Variants in MAP2K6 observed in about 807,000 individuals in gnomAD.
The protein encoded by MAP2K6 is dual specificity mitogen-activated protein kinase kinase 6.
MAP2K6 carries 16 observed loss-of-function variants against 53.7 expected under a neutral mutation model. The observed-to-expected ratio is 0.30, with a 90% CI of 0.20 to 0.45. MAP2K6 has a LOEUF of 0.45. Ranked by LOEUF, MAP2K6 falls within the 20% of genes least tolerant of loss-of-function variation. MAP2K6 has a pLI of 1.00. For synonymous variants in MAP2K6, 132 were observed against 143.1 expected (o/e 0.92, Z 0.55); for missense variants, 204 against 411.9 (o/e 0.50, Z 4.37).
At chr17:69,463,308 A>G (rs900211152) in intron 1 of MAP2K6, among the ~76,000 whole-genome samples, 11 of 145,594 alleles carry the variant, frequency 7.6e-5, no homozygotes, top group Non-Finnish European at 5.9e-5. Flanking sequence ...ACTTATATGT[A>G]TATATATATC....
chr17:69,458,671 C>G (rs1249764704), intron 1 of MAP2K6, among the ~76,000 whole-genome samples: 1 of 152,218 alleles, frequency 6.6e-6, no homozygotes, highest in African/African-American at 2.4e-5. Context: ...ACCTGGCTTT[C>G]ATTCCCATTA....
Position 69,544,726 on chromosome 17 carries a change from A to G in MAP2K6, c.*2973A>G, listed in dbSNP as rs571626995. 2 of 152,180 alleles carry G rather than the reference A, an allele frequency of 1.3e-5. No homozygotes were observed. Among genetic ancestry groups the G allele is most frequent in the Non-Finnish European group, 2.9e-5 (2 of 68,028 alleles). 9.4% of individuals were successfully genotyped at this position (152,180 alleles called of 1,614,324 possible). Reference sequence around the variant, plus strand: ...ATATTATTGGTTTAAGAGGTGTGCCAAAAAAAGTAATATGCATAACTTTTA... The same window carrying G: ...ATATTATTGGTTTAAGAGGTGTGCCGAAAAAAGTAATATGCATAACTTTTA... On this transcript the variant is annotated 3_prime_UTR_variant, in exon 12 of 12. Coordinates refer to ENST00000590474, the MANE Select transcript of MAP2K6 (RefSeq NM_002758.4).
intron 11 of MAP2K6, 42 bp from the exon 12 acceptor site, chr17:69,541,630 TTGTC>T (rs1182260854): frequency 2.2e-6 from 3 of 1,380,218 alleles, no homozygotes; most frequent in Non-Finnish European, 2.1e-6. Flanking sequence ...CATATATTGA[TTGTC>T]AGTAAGACAT....
At chr17:69,454,559 ATT>A (rs879315471) in intron 1 of MAP2K6, among the ~76,000 whole-genome samples, 1 of 140,468 alleles carries the variant, frequency 7.1e-6, no homozygotes. Flanking sequence ...TAATTTTTGT[ATT>A]TTTTTTTTTT....
chr17:69,490,360 C>G (rs994822022), intron 1 of MAP2K6, among the ~76,000 whole-genome samples: 1 of 152,182 alleles, frequency 6.6e-6, no homozygotes, highest in African/African-American at 2.4e-5. Flanking sequence ...AATGGAGACT[C>G]TGTAGATGTT....
intron 1 of MAP2K6, among the ~76,000 whole-genome samples, chr17:69,457,774 T>C (rs1468954851): frequency 6.6e-6 from 1 of 152,180 alleles, no homozygotes; most frequent in East Asian, 1.9e-4. Context: ...TACTCCAGCC[T>C]GGGTAACAGA....
At chr17:69,441,334 A>C (rs563591263) in intron 1 of MAP2K6, among the ~76,000 whole-genome samples, 2 of 150,866 alleles carry the variant, frequency 1.3e-5, no homozygotes, top group African/African-American at 4.9e-5. Context: ...TTTTCTCTCT[A>C]TTTTTCAAAT....
intron 10 of MAP2K6, among the ~76,000 whole-genome samples, chr17:69,535,476 A>G (rs1483567619): frequency 6.6e-6 from 1 of 152,082 alleles, no homozygotes; most frequent in Non-Finnish European, 1.5e-5. Context: ...CTGTAATCCC[A>G]ACTACTCAGG....
intron 1 of MAP2K6, among the ~76,000 whole-genome samples, chr17:69,475,322 A>C (rs925628190): frequency 2.0e-5 from 3 of 146,404 alleles, no homozygotes; most frequent in Admixed American, 1.4e-4. Context: ...GCGCCCGCCA[A>C]CACGCCCGGC....
intron 1 of MAP2K6, 58 bp downstream of exon 1, chr17:69,415,058 A>C (rs1437061393): frequency 1.8e-5 from 27 of 1,467,146 alleles, no homozygotes; most frequent in Non-Finnish European, 2.6e-5. Context: ...GCATTTATGA[A>C]TGCATGGATG....
intron 1 of MAP2K6, among the ~76,000 whole-genome samples, chr17:69,436,000 A>T (rs1442966898): frequency 7.1e-6 from 1 of 141,286 alleles, no homozygotes; most frequent in African/African-American, 2.8e-5. Flanking sequence ...TGTTCCAATC[A>T]TTTGGAATCG....
Position 69,545,262 on chromosome 17 carries a change from C to T in MAP2K6, c.*3509C>T, listed in dbSNP as rs1239630741. ...GACTACTTTGAAGGAGATAGAACCC[C>T]CATAAAGGTATATGTTTGTTGATAA... On this transcript the variant is annotated 3_prime_UTR_variant, in exon 12 of 12. Coordinates refer to ENST00000590474, the MANE Select transcript of MAP2K6 (RefSeq NM_002758.4). 1 of 152,062 alleles carries T rather than the reference C, an allele frequency of 6.6e-6. No individual in the cohort carries two copies. The highest frequency in any genetic ancestry group is 1.5e-5 in the Non-Finnish European group (1 of 68,020). 9.4% of individuals were successfully genotyped at this position (152,062 alleles called of 1,614,324 possible).
At chr17:69,430,926 T>C (rs1250969529) in intron 1 of MAP2K6, among the ~76,000 whole-genome samples, 2 of 152,192 alleles carry the variant, frequency 1.3e-5, no homozygotes, top group African/African-American at 4.8e-5. Context: ...CAGGGGGATG[T>C]AGAGCGACTC....
chr17:69,528,730 A>G (rs1567857003), intron 10 of MAP2K6, among the ~76,000 whole-genome samples: 1 of 151,790 alleles, frequency 6.6e-6, no homozygotes, highest in Non-Finnish European at 1.5e-5. Flanking sequence ...GTGGTAGCAC[A>G]CACCTGTAGT....
chr17:69,491,805 G>C (rs1039329292), intron 1 of MAP2K6, among the ~76,000 whole-genome samples: 2 of 151,092 alleles, frequency 1.3e-5, no homozygotes, highest in Non-Finnish European at 1.5e-5. Context: ...TTATTTCACC[G>C]TGGTTTTGAT....
chr17:69,495,177 G>C (rs1182841913), intron 1 of MAP2K6, among the ~76,000 whole-genome samples: 1 of 148,320 alleles, frequency 6.7e-6, no homozygotes, highest in African/African-American at 2.5e-5. Flanking sequence ...AGAATTTTCT[G>C]TGATTCTGTT....
intron 10 of MAP2K6, among the ~76,000 whole-genome samples, chr17:69,531,378 C>A (rs546399648): frequency 6.6e-6 from 1 of 152,006 alleles, no homozygotes; most frequent in African/African-American, 2.4e-5. Context: ...GTATCATACC[C>A]GTGCCAAGGA....
At chr17:69,524,727 C>T (rs1001450140) in intron 8 of MAP2K6, among the ~76,000 whole-genome samples, 174 bp from the exon 9 acceptor site, 3 of 152,144 alleles carry the variant, frequency 2.0e-5, no homozygotes, top group Non-Finnish European at 4.4e-5. Flanking sequence ...GGAAACCCCA[C>T]GGAGGCATTG....
intron 1 of MAP2K6, among the ~76,000 whole-genome samples, chr17:69,486,616 A>G (rs1908546794): frequency 6.6e-6 from 1 of 152,216 alleles, no homozygotes; most frequent in African/African-American, 2.4e-5. Context: ...ACACTGCCAC[A>G]CATGATACAA....
Sources: gnomAD v4.1 joint callset for allele counts (sites outside exome capture counted in the v4.1 genomes callset) on GRCh38, gnomAD v4.1.1 for gene constraint, MANE v1.5 for transcripts, NCBI Gene and HGNC (gene_info 2026-07-23, HGNC 2026-07-21) for gene names.